DGKH: variants seen among roughly 807,000 people sequenced by gnomAD.
The protein encoded by DGKH is diacylglycerol kinase eta.
A neutral mutation model predicts 159.3 loss-of-function variants in DGKH; 90 were observed. The observed-to-expected ratio is 0.57, with a 90% CI of 0.48 to 0.67. The LOEUF (loss-of-function observed/expected upper bound fraction) is 0.67, where lower values mean the gene tolerates loss of function less well. DGKH is among the 30% of genes least tolerant of loss of function. The pLI is 0.00. For missense variants in DGKH, 1,181 were observed against 1,506.1 expected (o/e 0.78, Z 3.57); for synonymous variants, 536 against 553.8 (o/e 0.97, Z 0.45).
chr13:42,049,151 A>C (rs1349263175), intron 1 of DGKH, among the ~76,000 whole-genome samples, 186 bp downstream of exon 1: 1 of 25,898 alleles, frequency 3.9e-5, no homozygotes, highest in East Asian at 1.2e-3. Flanking sequence ...TGAGACGGTG[A>C]GGCGGGGCGG....
Position 42,219,246 on chromosome 13 carries a change from A to G in DGKH, c.3230A>G (p.His1077Arg), listed in dbSNP as rs1382493016. The G allele has an allele frequency of 6.2e-7, 1 of 1,613,782 alleles. No individual in the cohort carries two copies. Among genetic ancestry groups the G allele is most frequent in the South Asian group, 1.1e-5 (1 of 90,986 alleles). The part of the protein sequence containing the change: ...GRVPLQLESP[H>R]EERVSNALHS... ...GGTAAATAGCAGCTGGAATCGCCAC[A>G]TGAAGAGCGAGTATCCAATGCCTTA... Residue 1077 changes from histidine (H) to arginine (R), a missense_variant, in exon 27 of 30, where the codon CAT becomes CGT. Physicochemically the swap from His to Arg is conservative, Grantham distance 29. Transcript: ENST00000337343.
chr13:42,137,528 A>G (rs9594684), intron 3 of DGKH, among the ~76,000 whole-genome samples: 35,751 of 152,092 alleles, frequency 0.24, 4,458 homozygotes, highest in Middle Eastern at 0.31. Context: ...TTCTATCTTC[A>G]TGACTTTGCT....
At chr13:42,072,495 A>G (rs183421461) in intron 1 of DGKH, among the ~76,000 whole-genome samples, 4 of 152,346 alleles carry the variant, frequency 2.6e-5, no homozygotes, top group Non-Finnish European at 5.9e-5. Context: ...GTTCCACAGT[A>G]AGTAAATAAA....
chr13:42,126,914 A>G (rs564710332), intron 1 of DGKH, among the ~76,000 whole-genome samples: 90 of 152,266 alleles, frequency 5.9e-4, no homozygotes, highest in African/African-American at 2.2e-3. Flanking sequence ...AACTAACTTT[A>G]ATGAGCACAT....
intron 3 of DGKH, chr13:42,137,981 A>G: frequency 5.4e-6 from 3 of 551,846 alleles, no homozygotes; most frequent in Non-Finnish European, 6.9e-6. Context: ...AGTATAACAG[A>G]GAACTTTCTA....
chr13:42,137,053 CTTTAATGTTTCCTTTCTA>C (rs1555264407), intron 3 of DGKH, among the ~76,000 whole-genome samples: 1 of 152,110 alleles, frequency 6.6e-6, no homozygotes, highest in Non-Finnish European at 1.5e-5. Context: ...TTAAGAATTC[CTTTAATGTTTCCTTTCTA>C]TTTATTCTGC....
intron 16 of DGKH, among the ~76,000 whole-genome samples, chr13:42,193,481 T>C (rs1001529125): frequency 6.6e-6 from 1 of 152,206 alleles, no homozygotes; most frequent in African/African-American, 2.4e-5. Flanking sequence ...GAAATACTAC[T>C]TTTTGAGGCA....
rs563351695 is a variant in DGKH at position 42,238,797 on chromosome 13, A to G, written c.*9609A>G. ...AGAATAACCTAGTTAAAATCATTAT[A>G]TTAGTTATACATGAGAGTCAGTGAA... On this transcript the variant is annotated 3_prime_UTR_variant, in exon 30 of 30. Coordinates refer to ENST00000337343, the MANE Select transcript of DGKH (RefSeq NM_178009.5). 11 of 152,338 alleles carry G rather than the reference A, an allele frequency of 7.2e-5. No individual in the cohort carries two copies. In the East Asian group the frequency reaches 2.1e-3, roughly 29 times the overall value. The allele number at this position is 152,338 out of a possible 1,614,324, so 9.4% of individuals were successfully genotyped here.
intron 29 of DGKH, among the ~76,000 whole-genome samples, chr13:42,227,521 A>G (rs1203134476): frequency 6.6e-6 from 1 of 152,200 alleles, no homozygotes; most frequent in East Asian, 1.9e-4. Context: ...TGTGACTGTA[A>G]ACGCATGTAC....
chr13:42,164,537 G>A (rs561228993), intron 7 of DGKH, among the ~76,000 whole-genome samples: 1 of 152,158 alleles, frequency 6.6e-6, no homozygotes, highest in Non-Finnish European at 1.5e-5. Flanking sequence ...ATAAAATAAA[G>A]TCATATTAAA....
intron 11 of DGKH, among the ~76,000 whole-genome samples, chr13:42,172,822 C>T (rs1956497258): frequency 1.3e-5 from 2 of 151,766 alleles, no homozygotes; most frequent in African/African-American, 4.8e-5. Flanking sequence ...TACAGGTGCC[C>T]GCCACCACAC....
intron 1 of DGKH, among the ~76,000 whole-genome samples, chr13:42,060,581 CT>C (rs1882084293): frequency 6.6e-6 from 1 of 152,118 alleles, no homozygotes; most frequent in South Asian, 2.1e-4. Flanking sequence ...GACTTTTTGT[CT>C]TGCTAATCAC....
chr13:42,200,106 A>G (rs1957311084), intron 20 of DGKH, among the ~76,000 whole-genome samples, 197 bp downstream of exon 20: 1 of 152,182 alleles, frequency 6.6e-6, no homozygotes, highest in South Asian at 2.1e-4. Context: ...TATCATCATC[A>G]TTATCTCCTG....
chr13:42,105,927 T>A (rs1222642689), intron 1 of DGKH, among the ~76,000 whole-genome samples: 2 of 152,208 alleles, frequency 1.3e-5, no homozygotes, highest in African/African-American at 4.8e-5. Context: ...AATGAATAGA[T>A]CTGTGAAAAC....
intron 1 of DGKH, among the ~76,000 whole-genome samples, chr13:42,062,822 A>T (rs932858313): frequency 2.0e-5 from 3 of 152,230 alleles, no homozygotes; most frequent in African/African-American, 7.2e-5. Context: ...TGTACTTGAA[A>T]CAGTTCTCGG....
At chr13:42,170,488 C>T (rs1281853788) in intron 11 of DGKH, among the ~76,000 whole-genome samples, 1 of 152,156 alleles carries the variant, frequency 6.6e-6, no homozygotes, top group Non-Finnish European at 1.5e-5. Context: ...ACAGCACCCC[C>T]ATGGTGAAAT....
chr13:42,072,350 A>G (rs1566086666), intron 1 of DGKH, among the ~76,000 whole-genome samples: 1 of 152,178 alleles, frequency 6.6e-6, no homozygotes, highest in South Asian at 2.1e-4. Flanking sequence ...AAATCTGGAC[A>G]ATCAATGTAC....
chr13:42,224,371 C>T (rs556817784), intron 29 of DGKH, among the ~76,000 whole-genome samples: 1 of 152,284 alleles, frequency 6.6e-6, no homozygotes, highest in South Asian at 2.1e-4. Flanking sequence ...AGCCCATCAC[C>T]AAGTCATATT....
At chr13:42,109,377 C>A (rs1010911321) in intron 1 of DGKH, among the ~76,000 whole-genome samples, 1 of 152,184 alleles carries the variant, frequency 6.6e-6, no homozygotes, top group Non-Finnish European at 1.5e-5. Flanking sequence ...AACTAGTCAG[C>A]CGTGGAGCCA....
Sources: allele counts gnomAD v4.1 joint callset (sites outside exome capture counted in the v4.1 genomes callset), GRCh38; gene constraint gnomAD v4.1.1; transcripts MANE v1.5; gene names NCBI Gene and HGNC (gene_info 2026-07-23, HGNC 2026-07-21).